EIF2S3: variants seen among roughly 807,000 people sequenced by gnomAD.
The protein encoded by EIF2S3 is eukaryotic translation initiation factor 2 subunit 3.
In EIF2S3, 2 loss-of-function variants were observed where a neutral mutation model predicts 31.7. The observed-to-expected ratio is 0.06, with a 90% CI of 0.03 to 0.20. The LOEUF is 0.20. Ranked by LOEUF, EIF2S3 falls within the 10% of genes least tolerant of loss-of-function variation. The pLI, the probability that EIF2S3 is intolerant of heterozygous loss-of-function variation, is 1.00. For synonymous variants in EIF2S3, 120 were observed against 126.7 expected (o/e 0.95, Z 0.36); for missense variants, 96 against 359.3 (o/e 0.27, Z 5.92).
chrX:24,070,219 G>C (rs1201222129), intron 9 of EIF2S3, among the ~76,000 whole-genome samples: 1 of 105,361 alleles, frequency 9.5e-6, no homozygotes, highest in African/African-American at 3.4e-5. Context: ...TTAGTCAGGT[G>C]TGGTGGCACA....
chrX:24,065,314 G>A (rs912098180), intron 7 of EIF2S3, among the ~76,000 whole-genome samples: 2 of 111,261 alleles, frequency 1.8e-5, no homozygotes, highest in South Asian at 3.7e-4. Context: ...TCATATCATC[G>A]TGTATAAACA....
Position 24,077,539 on chromosome X carries a change from C to T in EIF2S3, c.*754C>T, listed in dbSNP as rs1930774458. ...TAAAAACTTAAAGGCACAAATTCTC[C>T]TTGAAGACCTTCTCCCTTTTATGTG... On this transcript the variant is annotated 3_prime_UTR_variant, in exon 12 of 12. Coordinates refer to ENST00000253039, the MANE Select transcript of EIF2S3 (RefSeq NM_001415.4). 8.9e-6 allele frequency: 1 copy of T among 112,464 alleles called. No individual in the cohort carries two copies. The highest frequency in any genetic ancestry group is 1.9e-5 in the Non-Finnish European group (1 of 53,348). The allele number at this position is 112,464 out of a possible 1,213,427, so 9.3% of individuals were successfully genotyped here. A position where few individuals can be genotyped will look rare whatever the true frequency, so the allele number is the denominator to read the frequency against.
chrX:24,076,654 C>G (rs1241458712), intron 11 of EIF2S3, 68 bp from the exon 12 acceptor site: 2 of 1,067,628 alleles, frequency 1.9e-6, no homozygotes, highest in African/African-American at 1.9e-5. Context: ...AAATTTATCA[C>G]AAGATTGTGT....
intron 2 of EIF2S3, 103 bp downstream of exon 2, chrX:24,055,781 AATAG>A (rs1930394612): frequency 1.2e-6 from 1 of 808,749 alleles, no homozygotes; most frequent in Non-Finnish European, 1.8e-6. Context: ...ATATTCAAGA[AATAG>A]ATACTGAGTC....
chrX:24,075,667 A>C (rs1930743037), intron 11 of EIF2S3, among the ~76,000 whole-genome samples: 1 of 111,307 alleles, frequency 9.0e-6, no homozygotes, highest in Non-Finnish European at 1.9e-5. Context: ...CCTCTAAATT[A>C]GACTGTTTTG....
chrX:24,062,076 G>A (rs111773178), intron 5 of EIF2S3, among the ~76,000 whole-genome samples: 126 of 111,253 alleles, frequency 1.1e-3, no homozygotes, highest in African/African-American at 3.2e-3. Flanking sequence ...TTTATTAGAT[G>A]CCAACTTTTT....
chrX:24,065,854 T>C lies in EIF2S3; in HGVS notation c.773-144T>C, dbSNP rs919393564. ...CATCATAAGTAAGACTGCTTAATCA[T>C]TGGAATAATAATAGATTTTGTTAAA... On this transcript the variant is annotated intron_variant, in intron 7 of 11. Transcript: ENST00000253039. The C allele has an allele frequency of 1.1e-4, 49 of 464,508 alleles. 1 individual carries two copies. In the East Asian group the frequency reaches 1.8e-3, roughly 17 times the overall value. The allele number at this position is 464,508 out of a possible 1,213,427, so 38.3% of individuals were successfully genotyped here.
intron 2 of EIF2S3, among the ~76,000 whole-genome samples, chrX:24,057,187 C>T (rs1003605563): frequency 7.1e-5 from 8 of 111,910 alleles, no homozygotes; most frequent in Admixed American, 4.7e-4. Context: ...TGCGCCACCA[C>T]GCCCAGCTAA....
intron 11 of EIF2S3, 83 bp downstream of exon 11, chrX:24,073,346 G>C: frequency 9.3e-7 from 1 of 1,075,279 alleles, no homozygotes; most frequent in Non-Finnish European, 1.3e-6. Flanking sequence ...TCTTCCTTGA[G>C]GACAACAGTT....
intron 4 of EIF2S3, among the ~76,000 whole-genome samples, chrX:24,059,478 C>T (rs1416686372): frequency 4.6e-5 from 5 of 109,176 alleles, no homozygotes; most frequent in African/African-American, 1.3e-4. Flanking sequence ...GCTGGAATGC[C>T]ATGGTGCTAT....
chrX:24,064,227 A>C lies in EIF2S3; in HGVS notation c.664A>C (p.Ile222Leu). ...TACAGTAGCAGAGGGAGCTCCCATT[A>C]TTCCAATTTCAGCTCAGCTGAAATA... ...QGTVAEGAPI[I>L]PISAQLKYNI... Residue 222 changes from isoleucine to leucine, a missense_variant, in exon 7 of 12, where the codon ATT becomes CTT. By Grantham distance (5) the Ile-to-Leu change is conservative. Coordinates refer to ENST00000253039, the MANE Select transcript of EIF2S3 (RefSeq NM_001415.4). 8.4e-7 allele frequency: 1 copy of C among 1,192,007 alleles called. No homozygotes were observed. Among genetic ancestry groups the C allele is most frequent in the Non-Finnish European group, 1.1e-6 (1 of 888,250 alleles).
chrX:24,067,659 C>T (rs1284824843), intron 8 of EIF2S3, among the ~76,000 whole-genome samples: 13 of 108,878 alleles, frequency 1.2e-4, no homozygotes, highest in African/African-American at 3.3e-4. Flanking sequence ...GGTGCGATCT[C>T]GGTTCACTGC....
At chrX:24,071,350 C>G in intron 9 of EIF2S3, among the ~76,000 whole-genome samples, 1 of 109,605 alleles carries the variant, frequency 9.1e-6, no homozygotes, top group East Asian at 2.9e-4. Context: ...GCCGCCACGC[C>G]TGGCTAATTT....
intron 4 of EIF2S3, among the ~76,000 whole-genome samples, chrX:24,059,854 T>G (rs191792974): frequency 8.8e-4 from 99 of 112,439 alleles, no homozygotes; most frequent in African/African-American, 2.8e-3. Flanking sequence ...TCATTTTCAT[T>G]GGATTTTGGA....
At chrX:24,074,118 T>G (rs1390835808) in intron 11 of EIF2S3, among the ~76,000 whole-genome samples, 1 of 112,365 alleles carries the variant, frequency 8.9e-6, no homozygotes, top group African/African-American at 3.2e-5. Context: ...ATAATGTACT[T>G]TATGTTCCTC....
intron 9 of EIF2S3, among the ~76,000 whole-genome samples, chrX:24,070,632 T>G (rs1930655764): frequency 9.2e-6 from 1 of 108,977 alleles, no homozygotes; most frequent in Non-Finnish European, 1.9e-5. Flanking sequence ...AGATTGGGTT[T>G]TGCCATGTTG....
intron 2 of EIF2S3, among the ~76,000 whole-genome samples, chrX:24,055,882 G>GAA (rs1930396562): frequency 8.9e-6 from 1 of 111,734 alleles, no homozygotes; most frequent in Non-Finnish European, 1.9e-5. Flanking sequence ...TCGGTAAGAA[G>GAA]AAAAAATGGA....
chrX:24,073,479 T>C, intron 11 of EIF2S3: 1 of 328,399 alleles, frequency 3.0e-6, no homozygotes, highest in Non-Finnish European at 5.2e-6. Flanking sequence ...GATCATGAGG[T>C]CAGGAGATCA....
chrX:24,071,464 AC>A, intron 9 of EIF2S3, 93 bp from the exon 10 acceptor site: 1 of 952,709 alleles, frequency 1.0e-6, no homozygotes, highest in Non-Finnish European at 1.4e-6. Flanking sequence ...TGCTGGGATT[AC>A]AGGTGTGAGC....
Sources: gnomAD v4.1 joint callset for allele counts (sites outside exome capture counted in the v4.1 genomes callset) on GRCh38, gnomAD v4.1.1 for gene constraint, MANE v1.5 for transcripts, NCBI Gene and HGNC (gene_info 2026-07-23, HGNC 2026-07-21) for gene names.